The following CFAP161 variants were observed in gnomAD, a reference collection of about 807,000 sequenced individuals.
CFAP161 encodes cilia- and flagella-associated protein 161.
Under a neutral mutation model 29.0 loss-of-function variants are expected in CFAP161, and 25 were observed. The ratio of observed to expected loss-of-function variants is 0.86; its 90% confidence interval spans 0.63 to 1.20. CFAP161 has a LOEUF of 1.20. Among genes scored for constraint, CFAP161 ranks in the 50% most tolerant of loss-of-function variants. The pLI is 0.00. For synonymous variants in CFAP161, 116 were observed against 137.4 expected (o/e 0.84, Z 1.09); for missense variants, 367 against 371.9 (o/e 0.99, Z 0.11).
In CFAP161 at chr15:81,137,540, G is replaced by A. The variant is rs549442331; in HGVS notation, c.393-511G>A. On this transcript the variant is annotated intron_variant, in intron 3 of 6. Coordinates refer to ENST00000286732, the MANE Select transcript of CFAP161 (RefSeq NM_173528.4). Reference sequence around the variant, plus strand: ...GAACCTGGGAGGTGGAGGTTGCAGTGAGCCAAGATTGCACCACTGAACTCC... The same window carrying A: ...GAACCTGGGAGGTGGAGGTTGCAGTAAGCCAAGATTGCACCACTGAACTCC... Among the ~76,000 whole-genome samples, 238 of 152,310 alleles carry A rather than the reference G, an allele frequency of 1.6e-3. 3 individuals are homozygous for A. The highest frequency in any genetic ancestry group is 2.1e-3 in the Non-Finnish European group (143 of 68,026).
upstream of CFAP161, among the ~76,000 whole-genome samples, chr15:81,130,900 T>G (rs1340519766): frequency 6.6e-6 from 1 of 152,102 alleles, no homozygotes; most frequent in East Asian, 1.9e-4. Context: ...ACCTAACATT[T>G]ATTGATTGGA....
At chr15:81,139,923 CTT>C (rs1894877802) in intron 4 of CFAP161, among the ~76,000 whole-genome samples, 1 of 152,098 alleles carries the variant, frequency 6.6e-6, no homozygotes, top group Non-Finnish European at 1.5e-5. Flanking sequence ...TAATTTAAAA[CTT>C]TGCTAATTTG....
At position 81,148,755 on chromosome 15, in the gene CFAP161, C is replaced by T. The variant is rs1347407285; in HGVS notation, c.*222C>T. On this transcript the variant is annotated 3_prime_UTR_variant, in exon 7 of 7. Transcript: ENST00000286732. Reference sequence around the variant, plus strand: ...GAGAATAATTAGTATTTGAAAGTGACAAACAATAGCCTTTTGTTGATAAAC... The same window carrying T: ...GAGAATAATTAGTATTTGAAAGTGATAAACAATAGCCTTTTGTTGATAAAC... 7.3e-6 allele frequency: 3 copies of T among 413,190 alleles called. No homozygotes were observed. Among genetic ancestry groups the T allele is most frequent in the Non-Finnish European group, 1.3e-5 (3 of 234,664 alleles). The allele number at this position is 413,190 out of a possible 1,614,324, so 25.6% of individuals were successfully genotyped here. A position where few individuals can be genotyped will look rare whatever the true frequency, so the allele number is the denominator to read the frequency against.
intron 1 of CFAP161, among the ~76,000 whole-genome samples, chr15:81,108,752 A>T (rs1415515171): frequency 6.6e-6 from 1 of 152,186 alleles, no homozygotes; most frequent in East Asian, 1.9e-4. Flanking sequence ...TAAAAAATAT[A>T]AGCTTTATTT....
chr15:81,106,001 C>A (rs1028832676), intron 1 of CFAP161, among the ~76,000 whole-genome samples: 1 of 152,298 alleles, frequency 6.6e-6, no homozygotes, highest in South Asian at 2.1e-4. Flanking sequence ...GGGGCTTACA[C>A]TAGTCCAAGT....
intron 3 of CFAP161, among the ~76,000 whole-genome samples, chr15:81,137,216 T>G (rs574340711): frequency 6.6e-6 from 1 of 152,284 alleles, no homozygotes; most frequent in East Asian, 1.9e-4. Context: ...AATGAACAAT[T>G]AAATCCTTAG....
At chr15:81,114,715 G>A (rs992298581) in intron 1 of CFAP161, among the ~76,000 whole-genome samples, 3 of 152,180 alleles carry the variant, frequency 2.0e-5, no homozygotes, top group African/African-American at 4.8e-5. Flanking sequence ...CCAGGCTGGA[G>A]TGCAGTGGCG....
chr15:81,118,045 C>A, intron 1 of CFAP161: 1 of 507,636 alleles, frequency 2.0e-6, no homozygotes. Context: ...GAGGTCCAGG[C>A]TTTTTAGACA....
intron 4 of CFAP161, among the ~76,000 whole-genome samples, chr15:81,138,895 CAGTT>C (rs1480814354): frequency 1.3e-5 from 2 of 152,154 alleles, no homozygotes; most frequent in African/African-American, 4.8e-5. Context: ...TCAAGTCACT[CAGTT>C]AGCAAGTAGC....
At chr15:81,147,815 A>G in intron 5 of CFAP161, 43 bp from the exon 6 acceptor site, 1 of 1,483,912 alleles carries the variant, frequency 6.7e-7, no homozygotes, top group Non-Finnish European at 9.1e-7. Flanking sequence ...GCAAAAAAAA[A>G]AATGTTTAGA....
chr15:81,142,981 G>A lies in CFAP161; in HGVS notation c.478-681G>A, dbSNP rs191120027. On this transcript the variant is annotated intron_variant, in intron 4 of 6. Coordinates refer to ENST00000286732, the MANE Select transcript of CFAP161 (RefSeq NM_173528.4). ...TGATTTGAAGAATAATTCATTTCAC[G>A]TGATGAGTTTAATGCAACATCATTT... Among the ~76,000 whole-genome samples the A allele has an allele frequency of 3.3e-5, 5 of 152,260 alleles. No individual in the cohort carries two copies. In the East Asian group the frequency reaches 7.7e-4, roughly 23 times the overall value.
chr15:81,143,584 C>T (rs1429837202), intron 4 of CFAP161, 78 bp from the exon 5 acceptor site: 5 of 1,463,234 alleles, frequency 3.4e-6, no homozygotes, highest in Non-Finnish European at 3.7e-6. Flanking sequence ...GCTTGCCGTC[C>T]AGCCAGTCAA....
At chr15:81,117,119 A>C (rs996829297) in intron 1 of CFAP161, among the ~76,000 whole-genome samples, 1 of 152,124 alleles carries the variant, frequency 6.6e-6, no homozygotes, top group Non-Finnish European at 1.5e-5. Flanking sequence ...GGAACTCTGG[A>C]AGCCAGGCAT....
chr15:81,125,573 T>C (rs1302996341), intron 1 of CFAP161, among the ~76,000 whole-genome samples: 2 of 152,180 alleles, frequency 1.3e-5, no homozygotes, highest in African/African-American at 4.8e-5. Context: ...ATGTTATCAG[T>C]AATTTAAAAA....
intron 1 of CFAP161, among the ~76,000 whole-genome samples, chr15:81,109,051 G>A (rs1438267097): frequency 6.6e-6 from 1 of 152,150 alleles, no homozygotes; most frequent in Non-Finnish European, 1.5e-5. Context: ...CAGGAGCATT[G>A]TCACGGTGGA....
At chr15:81,133,228 T>TGTA (rs1567156511), upstream of CFAP161, among the ~76,000 whole-genome samples, 1 of 54,740 alleles carries the variant, frequency 1.8e-5, no homozygotes, top group Non-Finnish European at 3.6e-5. Flanking sequence ...TATATATGTA[T>TGTA]TTTTTTTTAA....
At chr15:81,134,176 C>A, upstream of CFAP161, 2 of 814,628 alleles carry the variant, frequency 2.5e-6, no homozygotes, top group African/African-American at 1.7e-5. Context: ...CCAGACGCCC[C>A]ATCTCCCGCC....
At chr15:81,108,885 T>C (rs988328093) in intron 1 of CFAP161, among the ~76,000 whole-genome samples, 3 of 152,184 alleles carry the variant, frequency 2.0e-5, no homozygotes, top group African/African-American at 7.2e-5. Context: ...TTTTTTACAT[T>C]ATTAACTGAA....
At chr15:81,135,949 A>G (rs973424940) in intron 2 of CFAP161, among the ~76,000 whole-genome samples, 2 of 152,172 alleles carry the variant, frequency 1.3e-5, no homozygotes, top group Non-Finnish European at 1.5e-5. Flanking sequence ...ATTATAAAAC[A>G]TGCTGCTATA....
Sources: allele counts gnomAD v4.1 joint callset (sites outside exome capture counted in the v4.1 genomes callset), GRCh38; gene constraint gnomAD v4.1.1; transcripts MANE v1.5; gene names NCBI Gene and HGNC (gene_info 2026-07-23, HGNC 2026-07-21).